ZNF148: variants seen among roughly 807,000 people sequenced by gnomAD.
ZNF148 encodes Beta-Enolase Repressor Factor-1.
Under a neutral mutation model 67.7 loss-of-function variants are expected in ZNF148, and 7 were observed. The ratio of observed to expected loss-of-function variants is 0.10; its 90% CI spans 0.06 to 0.19. The LOEUF (loss-of-function observed/expected upper bound fraction) is 0.19, where lower values mean the gene tolerates loss of function less well. Among genes scored for constraint, ZNF148 ranks in the 10% least tolerant of loss-of-function variants. The pLI, the probability that ZNF148 is intolerant of heterozygous loss-of-function variation, is 1.00. For missense variants in ZNF148, 583 were observed against 947.1 expected (o/e 0.62, Z 5.05); for synonymous variants, 333 against 330.7 (o/e 1.01, Z -0.08).
intron 7 of ZNF148, among the ~76,000 whole-genome samples, chr3:125,248,422 G>A (rs1171459303): frequency 6.6e-6 from 1 of 152,172 alleles, no homozygotes; most frequent in Non-Finnish European, 1.5e-5. Flanking sequence ...ATAACTCTAT[G>A]TTGAGTCCCC....
intron 7 of ZNF148, among the ~76,000 whole-genome samples, chr3:125,265,617 C>T (rs530802977): frequency 2.4e-4 from 37 of 152,254 alleles, no homozygotes; most frequent in Admixed American, 1.2e-3. Context: ...TCAAACTCCA[C>T]GTCCTCCCCC....
intron 1 of ZNF148, among the ~76,000 whole-genome samples, chr3:125,338,231 G>C (rs182241805): frequency 1.1e-3 from 162 of 152,040 alleles, no homozygotes; most frequent in African/African-American, 3.7e-3. Flanking sequence ...CAATATTCTA[G>C]GAGTCAGAAA....
chr3:125,353,139 C>G (rs1384525552), intron 1 of ZNF148, among the ~76,000 whole-genome samples: 1 of 152,140 alleles, frequency 6.6e-6, no homozygotes, highest in Non-Finnish European at 1.5e-5. Context: ...TAACAAAATA[C>G]TGCAACATAC....
chr3:125,325,137 A>C (rs1178046632), intron 2 of ZNF148, among the ~76,000 whole-genome samples: 2 of 152,188 alleles, frequency 1.3e-5, no homozygotes, highest in African/African-American at 4.8e-5. Flanking sequence ...AACTGCAATC[A>C]ACAAATAAGA....
Position 125,241,293 on chromosome 3 carries a change from A to G in ZNF148, c.668-6964T>C, listed in dbSNP as rs1936343635. ...TTTGTTTGTGCGAGTTTCTTTACAG[A>G]GTTTCTTTCTTTTTTCTTTCTTTCT... On this transcript the variant is annotated intron_variant, in intron 7 of 8. Transcript: ENST00000360647. Among the ~76,000 whole-genome samples the G allele has an allele frequency of 3.3e-5, 5 of 150,480 alleles. No homozygotes were observed. The South Asian group carries it at 1.1e-3, about 32-fold the overall frequency.
intron 1 of ZNF148, among the ~76,000 whole-genome samples, chr3:125,362,071 C>T (rs567947600): frequency 3.3e-4 from 51 of 152,316 alleles, no homozygotes; most frequent in African/African-American, 1.2e-3. Flanking sequence ...ACAATCCTCA[C>T]CATCTGTTTT....
chr3:125,333,812 T>C (rs1941387205), intron 1 of ZNF148, among the ~76,000 whole-genome samples: 1 of 152,248 alleles, frequency 6.6e-6, no homozygotes. Flanking sequence ...TATGTCCCAA[T>C]AGGTCACAAG....
intron 7 of ZNF148, among the ~76,000 whole-genome samples, chr3:125,265,013 G>C (rs987762195): frequency 6.6e-6 from 1 of 152,124 alleles, no homozygotes; most frequent in African/African-American, 2.4e-5. Flanking sequence ...AAAGAGTAAT[G>C]ATTTCATGTA....
intron 7 of ZNF148, among the ~76,000 whole-genome samples, chr3:125,275,221 CT>C (rs1479518448): frequency 6.6e-6 from 1 of 152,190 alleles, no homozygotes; most frequent in East Asian, 1.9e-4. Context: ...TTCAAAAGAA[CT>C]TTTCTTTGTT....
intron 6 of ZNF148, among the ~76,000 whole-genome samples, chr3:125,278,522 C>A (rs1021231059): frequency 1.3e-5 from 2 of 152,044 alleles, no homozygotes; most frequent in African/African-American, 4.8e-5. Context: ...CTATTTATTC[C>A]AAAGATTTTT....
At chr3:125,261,648 G>C (rs1235342555) in intron 7 of ZNF148, among the ~76,000 whole-genome samples, 2 of 152,104 alleles carry the variant, frequency 1.3e-5, no homozygotes, top group African/African-American at 4.8e-5. Flanking sequence ...GAGGAGGACT[G>C]ATAGGAGAGA....
chr3:125,341,328 A>C (rs1402678785), intron 1 of ZNF148, among the ~76,000 whole-genome samples: 1 of 151,848 alleles, frequency 6.6e-6, no homozygotes, highest in Non-Finnish European at 1.5e-5. Context: ...AAAAAAAAAA[A>C]AAAAGCAAAG....
intron 4 of ZNF148, among the ~76,000 whole-genome samples, chr3:125,307,811 ATTTTTTT>A (rs34469920): frequency 7.9e-6 from 1 of 127,286 alleles, no homozygotes; most frequent in East Asian, 2.2e-4. Context: ...TGCCCAGATA[ATTTTTTT>A]TTTTTTTTTT....
chr3:125,246,624 A>T (rs531924423), intron 7 of ZNF148, among the ~76,000 whole-genome samples: 2 of 152,322 alleles, frequency 1.3e-5, no homozygotes, highest in East Asian at 3.9e-4. Context: ...AAAAAATGTT[A>T]GCTATTAAGA....
chr3:125,315,896 A>G (rs1940467672), intron 3 of ZNF148, among the ~76,000 whole-genome samples: 1 of 152,172 alleles, frequency 6.6e-6, no homozygotes, highest in Admixed American at 6.5e-5. Flanking sequence ...TTTTAAATGC[A>G]CAATCAAGTT....
In ZNF148 at chr3:125,323,411, C is replaced by T; in HGVS notation, c.-119G>A. On this transcript the variant is annotated 5_prime_UTR_variant, in exon 3 of 9. Coordinates refer to ENST00000360647, the MANE Select transcript of ZNF148 (RefSeq NM_021964.3). ...ACCTTTCATAGGCTTCAGAAATCCT[C>T]AATACCACCTTAATCACTTATGCCA... 1.4e-6 allele frequency: 1 copy of T among 695,538 alleles called. No individual in the cohort carries two copies. Among genetic ancestry groups the T allele is most frequent in the Non-Finnish European group, 2.6e-6 (1 of 382,778 alleles). The allele number at this position is 695,538 out of a possible 1,614,324, so 43.1% of individuals were successfully genotyped here.
chr3:125,269,555 C>T (rs557559664), intron 7 of ZNF148, among the ~76,000 whole-genome samples: 14 of 152,034 alleles, frequency 9.2e-5, no homozygotes, highest in Admixed American at 2.6e-4. Flanking sequence ...CTGGAGATTT[C>T]TCAAGGAAGT....
chr3:125,261,571 T>C (rs1410341910), intron 7 of ZNF148, among the ~76,000 whole-genome samples: 3 of 151,756 alleles, frequency 2.0e-5, no homozygotes, highest in South Asian at 2.1e-4. Context: ...GAAAAGGAGG[T>C]AGAATCACTG....
chr3:125,232,263 C>T lies in ZNF148; in HGVS notation c.*78G>A. On this transcript the variant is annotated 3_prime_UTR_variant, in exon 9 of 9. Transcript: ENST00000360647. This position sits in a 1 kb window ranked among gnomAD's most constrained non-coding sequence, Gnocchi z 4.2. ...GCATTGCTCTTAAATCTGTACAGCA[C>T]TCCATTTACACAGAGTAACCCCACT... The T allele has an allele frequency of 6.8e-7, 1 of 1,464,006 alleles. No homozygotes were observed. The highest frequency in any genetic ancestry group is 2.3e-5 in the East Asian group (1 of 42,800). 90.7% of individuals were successfully genotyped at this position (1,464,006 alleles called of 1,614,324 possible).
Sources: gnomAD v4.1 joint callset for allele counts (sites outside exome capture counted in the v4.1 genomes callset) on GRCh38, gnomAD v4.1.1 for gene constraint, Gnocchi (gnomAD v3.1) non-coding constraint, MANE v1.5 for transcripts, NCBI Gene and HGNC (gene_info 2026-07-23, HGNC 2026-07-21) for gene names.